The following DNM3 variants were observed in gnomAD, a reference collection of about 807,000 sequenced individuals.
DNM3 encodes the protein dynamin-3.
In DNM3, 47 loss-of-function variants were observed where a neutral mutation model predicts 101.6. The ratio of observed to expected loss-of-function variants is 0.46; its 90% CI spans 0.37 to 0.59. The LOEUF is 0.59. DNM3 is among the 20% of genes least tolerant of loss of function. DNM3 has a pLI of 0.00. For synonymous variants in DNM3, 385 were observed against 387.9 expected (o/e 0.99, Z 0.09); for missense variants, 849 against 1,085.7 (o/e 0.78, Z 3.06).
intron 12 of DNM3, among the ~76,000 whole-genome samples, chr1:172,085,850 A>G (rs1444047191): frequency 6.6e-6 from 1 of 152,064 alleles, no homozygotes; most frequent in East Asian, 1.9e-4. Flanking sequence ...ATTATATTCT[A>G]TTGTAATAAT....
chr1:172,092,765 C>G lies in DNM3; in HGVS notation c.1494-59C>G, dbSNP rs1002557437. The G allele has an allele frequency of 4.0e-6, 6 of 1,490,974 alleles. No individual in the cohort carries two copies. The African/African-American group carries it at 8.5e-5, about 21-fold the overall frequency. 92.4% of individuals were successfully genotyped at this position (1,490,974 alleles called of 1,614,324 possible). A position where few individuals can be genotyped will look rare whatever the true frequency, so the allele number is the denominator to read the frequency against. ...CCTGTATAAATTTTAGTATTTGTTACTTGTTTAGGAAAAAATTATATGTGT... is the reference window on the plus strand; with the variant it reads ...CCTGTATAAATTTTAGTATTTGTTAGTTGTTTAGGAAAAAATTATATGTGT... On this transcript the variant is annotated intron_variant, in intron 12 of 20. Coordinates refer to ENST00000627582, the MANE Select transcript of DNM3 (RefSeq NM_015569.5).
intron 14 of DNM3, among the ~76,000 whole-genome samples, chr1:172,185,294 T>G (rs377659364): frequency 6.6e-6 from 1 of 152,160 alleles, no homozygotes; most frequent in African/African-American, 2.4e-5. Flanking sequence ...AGGTTTCCTG[T>G]TTACATTTGT....
chr1:171,992,426 G>A (rs115818809), intron 4 of DNM3, among the ~76,000 whole-genome samples: 1 of 152,150 alleles, frequency 6.6e-6, no homozygotes, highest in Non-Finnish European at 1.5e-5. Context: ...GGAAAATATA[G>A]CATTGACTGT....
intron 11 of DNM3, among the ~76,000 whole-genome samples, chr1:172,077,659 C>T (rs942957158): frequency 6.6e-6 from 1 of 152,190 alleles, no homozygotes. Flanking sequence ...TTTGATTGCA[C>T]TGTGGTCTGA....
chr1:171,883,366 CA>C (rs2036463786), intron 1 of DNM3, among the ~76,000 whole-genome samples: 2 of 3,364 alleles, frequency 5.9e-4, no homozygotes, highest in Non-Finnish European at 1.4e-3. Flanking sequence ...AAAAGGACCA[CA>C]CACACACACA....
At chr1:172,371,096 T>A (rs1005099947) in intron 17 of DNM3, among the ~76,000 whole-genome samples, 1 of 152,028 alleles carries the variant, frequency 6.6e-6, no homozygotes, top group Non-Finnish European at 1.5e-5. Context: ...CTATTCTTTT[T>A]CTAGCATGTC....
intron 17 of DNM3, among the ~76,000 whole-genome samples, chr1:172,331,847 A>G (rs932622459): frequency 2.6e-5 from 4 of 152,194 alleles, no homozygotes; most frequent in African/African-American, 9.6e-5. Context: ...AAGAAAAAAC[A>G]GGGAAGTGGT....
At chr1:172,173,987 A>G (rs1302856098) in intron 14 of DNM3, among the ~76,000 whole-genome samples, 1 of 151,692 alleles carries the variant, frequency 6.6e-6, no homozygotes, top group Non-Finnish European at 1.5e-5. Context: ...TGGAATGCCA[A>G]ACTTGAAATT....
At chr1:172,407,219 CA>C (rs5778734) in intron 20 of DNM3, among the ~76,000 whole-genome samples, 113,490 of 151,782 alleles carry the variant, frequency 0.75, 47,004 homozygotes, top group East Asian at 1. Flanking sequence ...AACAGGCACT[CA>C]ACACTGAGCC....
chr1:172,089,226 A>G (rs1171233870), intron 12 of DNM3, among the ~76,000 whole-genome samples: 1 of 152,194 alleles, frequency 6.6e-6, no homozygotes, highest in African/African-American at 2.4e-5. Context: ...TATGCATATC[A>G]TTACTTGTAC....
intron 1 of DNM3, among the ~76,000 whole-genome samples, chr1:171,892,437 C>A (rs1363249546): frequency 6.6e-6 from 1 of 152,190 alleles, no homozygotes; most frequent in Admixed American, 6.5e-5. Context: ...TGTGTATATA[C>A]ACATATCTAC....
In DNM3 at chr1:172,409,594, G is replaced by A; in HGVS notation, c.*1753G>A. ...ATCTCACCCCAAACCCCAAACTGGG[G>A]GAAAAAAAGTTAACTCTTTGTGAAT... On this transcript the variant is annotated 3_prime_UTR_variant, in exon 21 of 21. Coordinates refer to ENST00000627582, the MANE Select transcript of DNM3 (RefSeq NM_015569.5). 1 of 985,212 alleles carries A rather than the reference G, an allele frequency of 1.0e-6. No homozygotes were observed. The highest frequency in any genetic ancestry group is 1.2e-6 in the Non-Finnish European group (1 of 829,802). 61.0% of individuals were successfully genotyped at this position (985,212 alleles called of 1,614,324 possible).
intron 4 of DNM3, among the ~76,000 whole-genome samples, chr1:172,031,350 T>C (rs1283678058): frequency 6.6e-6 from 1 of 152,008 alleles, no homozygotes. Context: ...AGTTGAACAA[T>C]GAGAACACAT....
At chr1:171,876,131 T>C (rs1203365154) in intron 1 of DNM3, among the ~76,000 whole-genome samples, 1 of 152,122 alleles carries the variant, frequency 6.6e-6, no homozygotes, top group East Asian at 1.9e-4. Flanking sequence ...CTTTTAAAGA[T>C]ACGTACTTAC....
chr1:172,123,258 A>G (rs1326078596), intron 13 of DNM3, among the ~76,000 whole-genome samples: 1 of 152,168 alleles, frequency 6.6e-6, no homozygotes, highest in African/African-American at 2.4e-5. Flanking sequence ...CAATTTCACT[A>G]TTCTTTAAAT....
chr1:172,150,244 A>G (rs1192093246), intron 14 of DNM3, among the ~76,000 whole-genome samples: 1 of 152,138 alleles, frequency 6.6e-6, no homozygotes, highest in Admixed American at 6.6e-5. Flanking sequence ...CATCATGGAA[A>G]TTGGCTTTAC....
At chr1:172,074,113 G>A (rs1374013124) in intron 11 of DNM3, among the ~76,000 whole-genome samples, 1 of 152,088 alleles carries the variant, frequency 6.6e-6, no homozygotes, top group Non-Finnish European at 1.5e-5. Context: ...TCTAGGCACT[G>A]GAGATGTAGC....
chr1:172,025,925 G>A (rs796525586), intron 4 of DNM3, among the ~76,000 whole-genome samples: 18 of 152,104 alleles, frequency 1.2e-4, no homozygotes, highest in East Asian at 3.9e-4. Context: ...ACTCCTCGTC[G>A]GAAAGGGAAC....
At chr1:172,054,827 G>T (rs1572280343) in intron 10 of DNM3, among the ~76,000 whole-genome samples, 1 of 151,968 alleles carries the variant, frequency 6.6e-6, no homozygotes, top group Admixed American at 6.5e-5. Flanking sequence ...ATCATGGTGG[G>T]GGGTGCCTAT....
Sources: allele counts gnomAD v4.1 joint callset (sites outside exome capture counted in the v4.1 genomes callset), GRCh38; gene constraint gnomAD v4.1.1; transcripts MANE v1.5; gene names NCBI Gene and HGNC (gene_info 2026-07-23, HGNC 2026-07-21).